The following LHFPL6 variants were observed in gnomAD, a reference collection of about 807,000 sequenced individuals.
The protein encoded by LHFPL6 is LHFPL tetraspan subfamily member 6 protein.
LHFPL6 carries 9 observed loss-of-function variants against 20.6 expected under a neutral mutation model. The observed-to-expected ratio is 0.44, with a 90% CI of 0.26 to 0.76. The LOEUF (loss-of-function observed/expected upper bound fraction) is 0.76, where lower values mean the gene tolerates loss of function less well. Ranked by LOEUF, LHFPL6 falls within the 30% of genes least tolerant of loss-of-function variation. The probability of loss-of-function intolerance (pLI) is 0.20; values close to 1 mark genes in which losing one functional copy is unlikely to be tolerated. For synonymous variants in LHFPL6, 105 were observed against 98.7 expected, an observed-to-expected ratio of 1.06 and a Z score of -0.38; for missense variants, 218 against 253.5, an observed-to-expected ratio of 0.86 and a Z score of 0.95.
chr13:39,555,740 AC>A (rs775201371), intron 2 of LHFPL6, among the ~76,000 whole-genome samples: 1 of 152,244 alleles, frequency 6.6e-6, no homozygotes, highest in Non-Finnish European at 1.5e-5. Context: ...TTTTAACAAA[AC>A]TGATAAATAT....
Position 39,390,801 on chromosome 13 carries a change from T to A in LHFPL6, c.386-12275A>T, listed in dbSNP as rs138744966. 6.8e-3 allele frequency among the ~76,000 whole-genome samples: 1,035 copies of A among 152,052 alleles called. 13 individuals are homozygous for A. The highest frequency in any genetic ancestry group is 0.024 in the African/African-American group (997 of 41,480). On this transcript the variant is annotated intron_variant, in intron 2 of 3. Transcript: ENST00000379589. ...CTTGAGGTCAGGAGTTCGAGACCAG[T>A]CTGGCCAACATGGTGAAACCCCATC...
At chr13:39,518,715 C>T (rs1488212249) in intron 2 of LHFPL6, among the ~76,000 whole-genome samples, 1 of 152,112 alleles carries the variant, frequency 6.6e-6, no homozygotes, top group Non-Finnish European at 1.5e-5. Flanking sequence ...CTAGAACCAC[C>T]TGGAAAGCTT....
intron 2 of LHFPL6, among the ~76,000 whole-genome samples, chr13:39,432,554 C>T (rs1323883307): frequency 6.6e-6 from 1 of 152,172 alleles, no homozygotes; most frequent in Admixed American, 6.5e-5. Flanking sequence ...GTTCAAATCT[C>T]ACTCTCGATT....
intron 2 of LHFPL6, among the ~76,000 whole-genome samples, chr13:39,500,922 T>C (rs974440935): frequency 6.6e-6 from 1 of 152,066 alleles, no homozygotes; most frequent in Non-Finnish European, 1.5e-5. Context: ...CTGGAAAACT[T>C]AGGAAAACAC....
At chr13:39,516,830 A>G (rs1217961398) in intron 2 of LHFPL6, among the ~76,000 whole-genome samples, 1 of 152,262 alleles carries the variant, frequency 6.6e-6, no homozygotes, top group African/African-American at 2.4e-5. Context: ...AACAGTCAAA[A>G]CACAAAGCAA....
At chr13:39,358,145 A>G (rs576414880) in intron 3 of LHFPL6, among the ~76,000 whole-genome samples, 15 of 152,332 alleles carry the variant, frequency 9.8e-5, no homozygotes, top group Non-Finnish European at 1.6e-4. Context: ...GACTTCAACT[A>G]TACAACAAAT....
At chr13:39,512,221 A>G (rs1346645300) in intron 2 of LHFPL6, among the ~76,000 whole-genome samples, 1 of 152,172 alleles carries the variant, frequency 6.6e-6, no homozygotes, top group African/African-American at 2.4e-5. Flanking sequence ...TCTCACCGTC[A>G]TTCTGCAGCT....
In LHFPL6 at chr13:39,548,614, A is replaced by G. The variant is rs541639622; in HGVS notation, c.385+52218T>C. Among the ~76,000 whole-genome samples the G allele has an allele frequency of 3.9e-5, 6 of 152,232 alleles. 1 individual carries two copies. The highest frequency in any genetic ancestry group is 1.4e-4 in the African/African-American group (6 of 41,472). ...CAGAATCAAACTCATGTCCAAAATC[A>G]TAATGCAGAATGACTCATAAGTCTA... On this transcript the variant is annotated intron_variant, in intron 2 of 3. Coordinates refer to ENST00000379589, the MANE Select transcript of LHFPL6 (RefSeq NM_005780.3).
At chr13:39,383,284 A>G (rs1321561534) in intron 2 of LHFPL6, among the ~76,000 whole-genome samples, 1 of 152,264 alleles carries the variant, frequency 6.6e-6, no homozygotes. Context: ...ACTTTAGGTC[A>G]GATCAGGCCA....
At chr13:39,469,808 T>C (rs1872899511) in intron 2 of LHFPL6, among the ~76,000 whole-genome samples, 1 of 152,106 alleles carries the variant, frequency 6.6e-6, no homozygotes, top group African/African-American at 2.4e-5. Context: ...TACAAGGCAC[T>C]AGGGAAACAA....
At chr13:39,508,432 A>C (rs1869569474) in intron 2 of LHFPL6, among the ~76,000 whole-genome samples, 1 of 152,210 alleles carries the variant, frequency 6.6e-6, no homozygotes, top group African/African-American at 2.4e-5. Context: ...AAGTATATCT[A>C]TTACCTGATC....
chr13:39,409,768 G>T (rs781486560), intron 2 of LHFPL6, among the ~76,000 whole-genome samples: 3 of 152,084 alleles, frequency 2.0e-5, no homozygotes, highest in African/African-American at 4.8e-5. Context: ...GGTTAGGGAA[G>T]ATATAATGTG....
intron 3 of LHFPL6, among the ~76,000 whole-genome samples, chr13:39,350,781 A>G (rs552711798): frequency 6.6e-6 from 1 of 152,368 alleles, no homozygotes; most frequent in African/African-American, 2.4e-5. Context: ...GACAGAAAGC[A>G]GCATACCATA....
At chr13:39,507,260 C>T (rs953006542) in intron 2 of LHFPL6, among the ~76,000 whole-genome samples, 10 of 152,210 alleles carry the variant, frequency 6.6e-5, no homozygotes, top group Admixed American at 2.6e-4. Flanking sequence ...CTCTGTGGCC[C>T]ACATGAAATC....
At chr13:39,531,994 G>C (rs1286929426) in intron 2 of LHFPL6, among the ~76,000 whole-genome samples, 3 of 152,040 alleles carry the variant, frequency 2.0e-5, no homozygotes, top group African/African-American at 7.2e-5. Context: ...ATTGGTTTAT[G>C]CTTCCAAAAG....
At chr13:39,395,566 C>T (rs1397401505) in intron 2 of LHFPL6, among the ~76,000 whole-genome samples, 2 of 152,172 alleles carry the variant, frequency 1.3e-5, no homozygotes, top group Non-Finnish European at 2.9e-5. Flanking sequence ...GCAAACTATT[C>T]CCAAGAGTTC....
chr13:39,524,622 C>G (rs1566132820), intron 2 of LHFPL6, among the ~76,000 whole-genome samples: 1 of 152,122 alleles, frequency 6.6e-6, no homozygotes. Context: ...TTATAAAACC[C>G]CTGTCTTCTT....
At chr13:39,344,091 A>G in intron 3 of LHFPL6, 37 bp from the exon 4 acceptor site, 2 of 1,550,274 alleles carry the variant, frequency 1.3e-6, no homozygotes, top group Non-Finnish European at 8.9e-7. Flanking sequence ...AAAGTCACAG[A>G]TGAGGATGAT....
At chr13:39,554,614 C>T (rs1412202419) in intron 2 of LHFPL6, among the ~76,000 whole-genome samples, 1 of 152,190 alleles carries the variant, frequency 6.6e-6, no homozygotes, top group Non-Finnish European at 1.5e-5. Flanking sequence ...CAGACTTTTT[C>T]ACATCTCCGT....
Sources: gnomAD v4.1 joint callset for allele counts (sites outside exome capture counted in the v4.1 genomes callset) on GRCh38, gnomAD v4.1.1 for gene constraint, MANE v1.5 for transcripts, NCBI Gene and HGNC (gene_info 2026-07-23, HGNC 2026-07-21) for gene names.